ZFHX3: variants seen among roughly 807,000 people sequenced by gnomAD.
ZFHX3 encodes the protein zinc finger homeobox protein 3.
ZFHX3 carries 42 observed loss-of-function variants against 279.1 expected under a neutral mutation model. The observed-to-expected ratio is 0.15, with a 90% CI of 0.12 to 0.19. The LOEUF (loss-of-function observed/expected upper bound fraction) is 0.19, where lower values mean the gene tolerates loss of function less well. Ranked by LOEUF, ZFHX3 falls within the 10% of genes least tolerant of loss-of-function variation. ZFHX3 has a pLI of 1.00. For synonymous variants in ZFHX3, 2,293 were observed against 1,957.8 expected (o/e 1.17, Z -4.52); for missense variants, 4,981 against 4,754.0 (o/e 1.05, Z -1.40).
At position 73,267,541 on chromosome 16, in the gene ZFHX3, A is replaced by C. The variant is rs537813757; in HGVS notation, c.-1193-10405T>G. ...CAAATCATGGGGCATTTTTATACAA[A>C]AGGGACGAGCCTCAATGACATCCGG... On this transcript the variant is annotated intron_variant, in intron 4 of 17. Transcript: ENST00000641206. 2.2e-4 allele frequency among the ~76,000 whole-genome samples: 34 copies of C among 152,248 alleles called. No individual in the cohort carries two copies. The East Asian group carries it at 3.1e-3, about 14-fold the overall frequency.
chr16:73,526,333 A>G (rs901625649), intron 2 of ZFHX3, among the ~76,000 whole-genome samples: 3 of 152,250 alleles, frequency 2.0e-5, no homozygotes, highest in Non-Finnish European at 4.4e-5. Context: ...AAGGCCTTAT[A>G]TTAATTAGAC....
chr16:73,090,803 T>G (rs777508779), intron 8 of ZFHX3, among the ~76,000 whole-genome samples: 12 of 149,936 alleles, frequency 8.0e-5, no homozygotes, highest in Admixed American at 2.0e-4. Flanking sequence ...CCTAGCTACT[T>G]GAGAGGCTGA....
chr16:72,824,404 G>C (rs549776848), intron 5 of ZFHX3, among the ~76,000 whole-genome samples: 3 of 152,210 alleles, frequency 2.0e-5, no homozygotes, highest in East Asian at 3.9e-4. Flanking sequence ...AATTAATAAA[G>C]TAAAATCCCT....
At chr16:72,949,824 T>C (rs944992109) in intron 3 of ZFHX3, among the ~76,000 whole-genome samples, 2 of 150,958 alleles carry the variant, frequency 1.3e-5, no homozygotes, top group Admixed American at 1.3e-4. Flanking sequence ...TTTAGCACCT[T>C]CTAGCCTGCT....
chr16:73,519,545 T>C (rs939668768), intron 2 of ZFHX3, among the ~76,000 whole-genome samples: 2 of 152,182 alleles, frequency 1.3e-5, no homozygotes, highest in Non-Finnish European at 2.9e-5. Flanking sequence ...CTTGGTTGAT[T>C]GGAATTTCTT....
Position 73,883,012 on chromosome 16 carries a change from AT to A in ZFHX3, c.-1608+8638del, listed in dbSNP as rs547867288. 4.2e-3 allele frequency among the ~76,000 whole-genome samples: 620 copies of A among 146,934 alleles called. 5 individuals carry two copies. The highest frequency in any genetic ancestry group is 0.015 in the African/African-American group (574 of 38,636). Reference sequence around the variant, plus strand: ...TTTTTTTGAAATGCCTGAGATTATTATTTTTAGTCAAGCTTTTTAAAAAAAA... The same window carrying A: ...TTTTTTTGAAATGCCTGAGATTATTATTTTAGTCAAGCTTTTTAAAAAAAA... On this transcript the variant is annotated intron_variant, in intron 1 of 17. Coordinates refer to the ZFHX3 transcript ENST00000641206.
chr16:73,108,114 T>C (rs1406987530), intron 7 of ZFHX3, among the ~76,000 whole-genome samples: 10 of 152,066 alleles, frequency 6.6e-5, no homozygotes, highest in Non-Finnish European at 1.2e-4. Flanking sequence ...TGAGCCGAGA[T>C]TGTGCCACTG....
intron 1 of ZFHX3, among the ~76,000 whole-genome samples, chr16:73,016,976 A>G (rs1032390664): frequency 6.6e-6 from 1 of 152,010 alleles, no homozygotes; most frequent in Non-Finnish European, 1.5e-5. Context: ...CTATAATCCC[A>G]GCACTTTGGG....
At chr16:72,819,755 T>C (rs2036731358) in intron 5 of ZFHX3, among the ~76,000 whole-genome samples, 1 of 152,200 alleles carries the variant, frequency 6.6e-6, no homozygotes, top group Non-Finnish European at 1.5e-5. Context: ...TCTCATAGCC[T>C]AGATGTTTTA....
chr16:73,175,474 T>G (rs1004775752), intron 5 of ZFHX3, among the ~76,000 whole-genome samples: 2 of 152,162 alleles, frequency 1.3e-5, no homozygotes, highest in African/African-American at 4.8e-5. Context: ...CCTTTTATGT[T>G]CCAGCCACAC....
rs1162434013 is a variant in ZFHX3, at chr16:73,539,433, C to CTTTTTTTTTTTTTTTTTTTTTTTT, written c.-1546-83199_-1546-83176dup. On this transcript the variant is annotated intron_variant, in intron 2 of 17. Coordinates refer to the ZFHX3 transcript ENST00000641206. Reference sequence around the variant, plus strand: ...TAAATTTTTTTCCCTTCCTCTTCTTCTTTTTTTTTTTTTTTTTTTTTTTTT... The same window carrying CTTTTTTTTTTTTTTTTTTTTTTTT: ...TAAATTTTTTTCCCTTCCTCTTCTTCTTTTTTTTTTTTTTTTTTTTTTTTTTTTTTTTTTTTTTTTTTTTTTTTT... Among the ~76,000 whole-genome samples, 4 of 65,086 alleles carry CTTTTTTTTTTTTTTTTTTTTTTTT rather than the reference C, an allele frequency of 6.1e-5. 1 individual carries two copies. Among genetic ancestry groups the CTTTTTTTTTTTTTTTTTTTTTTTT allele is most frequent in the African/African-American group, 1.1e-4 (2 of 17,424 alleles). The allele number at this position is 65,086 out of a possible 152,430, so 42.7% of individuals were successfully genotyped here. A position where few individuals can be genotyped will look rare whatever the true frequency, so the allele number is the denominator to read the frequency against.
chr16:73,866,553 G>A (rs1164028626), intron 1 of ZFHX3, among the ~76,000 whole-genome samples: 2 of 151,920 alleles, frequency 1.3e-5, no homozygotes, highest in African/African-American at 4.8e-5. Context: ...AAAGAGTTTG[G>A]GCCTCAAATT....
At chr16:73,098,793 TCTGA>T (rs1242433091) in intron 7 of ZFHX3, 4 of 152,228 alleles carry the variant, frequency 2.6e-5, no homozygotes, top group Admixed American at 6.5e-5. Context: ...GGAATTCCTC[TCTGA>T]CTGTCAACGC....
chr16:73,239,502 TA>T (rs1278483477), intron 5 of ZFHX3, among the ~76,000 whole-genome samples: 1 of 152,226 alleles, frequency 6.6e-6, no homozygotes, highest in African/African-American at 2.4e-5. Context: ...CTGCCATTTC[TA>T]AGATGTTTCC....
intron 5 of ZFHX3, among the ~76,000 whole-genome samples, chr16:73,240,857 T>C (rs1197823918): frequency 1.3e-5 from 2 of 152,216 alleles, no homozygotes; most frequent in Admixed American, 6.5e-5. Context: ...TATTTCCAAA[T>C]AGAGAAAAGG....
At chr16:73,297,182 G>A (rs2014937998) in intron 4 of ZFHX3, among the ~76,000 whole-genome samples, 1 of 151,920 alleles carries the variant, frequency 6.6e-6, no homozygotes, top group African/African-American at 2.4e-5. Context: ...GAGCCAGCAG[G>A]AATGATGATT....
intron 1 of ZFHX3, among the ~76,000 whole-genome samples, chr16:73,792,869 CCT>C (rs1959872579): frequency 6.7e-6 from 1 of 150,150 alleles, no homozygotes; most frequent in African/African-American, 2.5e-5. Context: ...CCCCCCCTCC[CCT>C]CTCTGCTGTG....
At chr16:73,120,665 T>C (rs1966486613) in intron 7 of ZFHX3, among the ~76,000 whole-genome samples, 1 of 144,528 alleles carries the variant, frequency 6.9e-6, no homozygotes. Flanking sequence ...TTTTTTTTTT[T>C]TTTTTTTGAG....
chr16:73,181,485 G>T (rs910750938), intron 5 of ZFHX3, among the ~76,000 whole-genome samples: 2 of 152,120 alleles, frequency 1.3e-5, no homozygotes, highest in African/African-American at 4.8e-5. Context: ...TCCTGATAAA[G>T]GGCAGTATAG....
Sources: allele counts gnomAD v4.1 joint callset (sites outside exome capture counted in the v4.1 genomes callset), GRCh38; gene constraint gnomAD v4.1.1; transcripts MANE v1.5; gene names NCBI Gene and HGNC (gene_info 2026-07-23, HGNC 2026-07-21).